Variants in NEIL2 observed in about 807,000 individuals in gnomAD.
NEIL2 encodes endonuclease 8-like 2.
NEIL2 carries 23 observed loss-of-function variants against 22.2 expected under a neutral mutation model. The ratio of observed to expected loss-of-function variants is 1.04; its 90% CI spans 0.75 to 1.47. NEIL2 has a LOEUF of 1.47. Among genes scored for constraint, NEIL2 ranks in the 40% most tolerant of loss-of-function variants. The probability of loss-of-function intolerance (pLI) is 0.00; values close to 1 mark genes in which losing one functional copy is unlikely to be tolerated. For missense variants in NEIL2, 583 were observed against 404.7 expected, an observed-to-expected ratio of 1.44 and a Z score of -3.78; for synonymous variants, 229 against 164.8, an observed-to-expected ratio of 1.39 and a Z score of -2.99.
intron 2 of NEIL2, among the ~76,000 whole-genome samples, chr8:11,773,107 T>C (rs997027107): frequency 1.3e-5 from 2 of 152,162 alleles, no homozygotes; most frequent in African/African-American, 2.4e-5. Context: ...CCTCCAGGAC[T>C]GTGGCCTCTT....
chr8:11,774,775 C>G (rs1450604593), intron 2 of NEIL2, among the ~76,000 whole-genome samples: 2 of 152,202 alleles, frequency 1.3e-5, no homozygotes, highest in Non-Finnish European at 2.9e-5. Flanking sequence ...TTGGCCAAAA[C>G]GAAGGGGCTA....
In NEIL2 at chr8:11,771,561, G is replaced by A. The variant is rs35833462; in HGVS notation, c.114G>A (p.Gln38=). The A allele has an allele frequency of 4.8e-3, 7,778 of 1,614,102 alleles. 36 individuals are homozygous for A. The highest frequency in any genetic ancestry group is 0.022 in the Middle Eastern group (131 of 6,052). ...SSKKLQPASL[Q]SLWLQDTQVH... ...AGAAGCTACAGCCCGCCAGCCTGCAGTCTCTGTGGCTCCAGGACACCCAGG... is the reference window on the plus strand; with the variant it reads ...AGAAGCTACAGCCCGCCAGCCTGCAATCTCTGTGGCTCCAGGACACCCAGG... Residue 38 remains glutamine, a synonymous_variant, in exon 2 of 5, where the codon CAG becomes CAA. Coordinates refer to ENST00000284503, the MANE Select transcript of NEIL2 (RefSeq NM_145043.4).
At chr8:11,778,741 C>A (rs1437200035) in intron 2 of NEIL2, among the ~76,000 whole-genome samples, 1 of 151,992 alleles carries the variant, frequency 6.6e-6, no homozygotes, top group African/African-American at 2.4e-5. Flanking sequence ...CGCTTGAGGT[C>A]AGGAGTTCGA....
In NEIL2 at chr8:11,786,676, G is replaced by A. The variant is rs185344966; in HGVS notation, c.*403G>A. The A allele has an allele frequency of 2.4e-5, 6 of 254,042 alleles. No individual in the cohort carries two copies. The East Asian group carries it at 6.9e-4, about 29-fold the overall frequency. 15.7% of individuals were successfully genotyped at this position (254,042 alleles called of 1,614,324 possible). ...TTGTTTTGAGAGAGAGTCTTGCTCT[G>A]TCTCCCTGGCTAGGGTGTGGTGGTG... On this transcript the variant is annotated 3_prime_UTR_variant, in exon 5 of 5. Coordinates refer to ENST00000284503, the MANE Select transcript of NEIL2 (RefSeq NM_145043.4).
At position 11,779,538 on chromosome 8, in the gene NEIL2, G is replaced by A. The variant is rs1164826884; in HGVS notation, c.139-60G>A. 2.8e-5 allele frequency: 36 copies of A among 1,300,494 alleles called. No individual in the cohort carries two copies. In the South Asian group the frequency reaches 3.3e-4, roughly 12 times the overall value. The allele number at this position is 1,300,494 out of a possible 1,614,324, so 80.6% of individuals were successfully genotyped here. A position where few individuals can be genotyped will look rare whatever the true frequency, so the allele number is the denominator to read the frequency against. ...GACCTTTGCAATAGGATAAATATCCGCATTCCCCAGTTCCCCTCTCTGGGT... is the reference window on the plus strand; with the variant it reads ...GACCTTTGCAATAGGATAAATATCCACATTCCCCAGTTCCCCTCTCTGGGT... On this transcript the variant is annotated intron_variant, in intron 2 of 4. Transcript: ENST00000284503.
chr8:11,773,594 C>A (rs916469886), intron 2 of NEIL2, among the ~76,000 whole-genome samples: 2 of 152,142 alleles, frequency 1.3e-5, no homozygotes, highest in Admixed American at 1.3e-4. Context: ...TGAGTTGGGC[C>A]TTGAAGGCTG....
chr8:11,779,536 C>G, intron 2 of NEIL2, 62 bp from the exon 3 acceptor site: 3 of 1,285,870 alleles, frequency 2.3e-6, no homozygotes, highest in East Asian at 2.3e-5. Context: ...GGATAAATAT[C>G]CGCATTCCCC....
intron 2 of NEIL2, 67 bp downstream of exon 2, chr8:11,771,652 C>T: frequency 6.6e-7 from 1 of 1,525,142 alleles, no homozygotes; most frequent in South Asian, 1.2e-5. Context: ...GGATCTATCC[C>T]CATATGTCTC....
intron 3 of NEIL2, among the ~76,000 whole-genome samples, chr8:11,782,180 T>G (rs1804481949): frequency 6.6e-6 from 1 of 152,122 alleles, no homozygotes; most frequent in Non-Finnish European, 1.5e-5. Context: ...CCCAGCACTT[T>G]ACGAGGCCGA....
chr8:11,776,122 G>C (rs946210467), intron 2 of NEIL2, among the ~76,000 whole-genome samples: 1 of 152,220 alleles, frequency 6.6e-6, no homozygotes, highest in Non-Finnish European at 1.5e-5. Context: ...AAGAGGTTTA[G>C]TGGACTCACA....
Position 11,783,218 on chromosome 8 carries a change from T to G in NEIL2, c.507T>G (p.Phe169Leu), listed in dbSNP as rs987423802. Reference protein sequence around the residue: ...RDPSPRLVLHFGGGGFLAFYN... With the variant: ...RDPSPRLVLHLGGGGFLAFYN... ...TTCTTCCCAGGTTGGTCCTGCACTT[T>G]GGTGGTGGTGGCTTCCTGGCATTTT... The change falls in exon 4 of 5, where the codon TTT becomes TTG. Residue 169 changes from phenylalanine to leucine, a missense_variant. Physicochemically the swap from Phe to Leu is conservative, Grantham distance 22 (BLOSUM62 0). Transcript: ENST00000284503. The G allele has an allele frequency of 3.7e-6, 6 of 1,614,076 alleles. No homozygotes were observed. In the African/African-American group the frequency reaches 5.3e-5, roughly 14 times the overall value.
intron 2 of NEIL2, among the ~76,000 whole-genome samples, chr8:11,779,372 G>T (rs181230779): frequency 1.3e-5 from 2 of 152,208 alleles, no homozygotes; most frequent in African/African-American, 2.4e-5. Flanking sequence ...GCATGGGTGT[G>T]TTTCACTGCC....
At chr8:11,772,571 C>T (rs187332484) in intron 2 of NEIL2, among the ~76,000 whole-genome samples, 1 of 152,192 alleles carries the variant, frequency 6.6e-6, no homozygotes, top group Non-Finnish European at 1.5e-5. Flanking sequence ...TCCAGGACAT[C>T]ATGTACTTCC....
At chr8:11,776,901 G>C (rs901706665) in intron 2 of NEIL2, among the ~76,000 whole-genome samples, 1 of 152,138 alleles carries the variant, frequency 6.6e-6, no homozygotes, top group African/African-American at 2.4e-5. Context: ...TGAGAGTTGA[G>C]AGCTCTTTGG....
chr8:11,771,217 G>C (rs8191529), intron 1 of NEIL2, among the ~76,000 whole-genome samples: 8,583 of 152,266 alleles, frequency 0.056, 346 homozygotes, highest in Non-Finnish European at 0.078. Context: ...TTTGCTGCAT[G>C]AAGAAAGGTA....
chr8:11,783,521 C>T (rs1218293950), intron 4 of NEIL2, 122 bp downstream of exon 4: 1 of 774,760 alleles, frequency 1.3e-6, no homozygotes, highest in Non-Finnish European at 2.3e-6. Flanking sequence ...TGAGGTGCCA[C>T]TTGCTCAATC....
At chr8:11,783,165 G>C (rs779644688) in intron 3 of NEIL2, 38 bp from the exon 4 acceptor site, 4 of 1,588,838 alleles carry the variant, frequency 2.5e-6, no homozygotes, top group Non-Finnish European at 3.5e-6. Context: ...CTATACTGTG[G>C]TAACGATGTG....
In NEIL2 at chr8:11,786,544, A is replaced by C; in HGVS notation, c.*271A>C. ...AATCGTGATGATGGGTAAGGGGAAA[A>C]CTTCCCGGAAGGCAATGGGGCAAGG... On this transcript the variant is annotated 3_prime_UTR_variant, in exon 5 of 5. Coordinates refer to ENST00000284503, the MANE Select transcript of NEIL2 (RefSeq NM_145043.4). The C allele has an allele frequency of 7.7e-6, 4 of 518,020 alleles. No individual in the cohort carries two copies. In the South Asian group the frequency reaches 8.5e-5, roughly 11 times the overall value. The allele number at this position is 518,020 out of a possible 1,614,324, so 32.1% of individuals were successfully genotyped here. A position where few individuals can be genotyped will look rare whatever the true frequency, so the allele number is the denominator to read the frequency against.
intron 3 of NEIL2, among the ~76,000 whole-genome samples, chr8:11,780,905 C>G (rs1399936231): frequency 6.6e-6 from 1 of 152,154 alleles, no homozygotes; most frequent in East Asian, 1.9e-4. Context: ...TGTAATGAAG[C>G]TTTTGCACAG....
Sources: allele counts gnomAD v4.1 joint callset (sites outside exome capture counted in the v4.1 genomes callset), GRCh38; gene constraint gnomAD v4.1.1; transcripts MANE v1.5; gene names NCBI Gene and HGNC (gene_info 2026-07-23, HGNC 2026-07-21).